Variants in TMCC3 observed in about 807,000 individuals in gnomAD.
The protein encoded by TMCC3 is transmembrane and coiled-coil domain protein 3.
Under a neutral mutation model 40.2 loss-of-function variants are expected in TMCC3, and 28 were observed. That is an observed-to-expected ratio of 0.70 (90% confidence interval 0.52 to 0.95). The LOEUF (loss-of-function observed/expected upper bound fraction) is 0.95, where lower values mean the gene tolerates loss of function less well. Ranked by LOEUF, TMCC3 falls within the 40% of genes least tolerant of loss-of-function variation. The pLI, the probability that TMCC3 is intolerant of heterozygous loss-of-function variation, is 0.00. For synonymous variants in TMCC3, 255 were observed against 248.5 expected (o/e 1.03, Z -0.25); for missense variants, 554 against 615.2 (o/e 0.90, Z 1.05).
rs869220054 is a variant in TMCC3, at chr12:94,597,124, C to CATATATATATATATAT, written c.79-14602_79-14587dup. On this transcript the variant is annotated intron_variant, in intron 1 of 3. Transcript: ENST00000261226. ...GTAAGTCACTGTCTCTATTAAAATA[C>CATATATATATATATAT]ATATATATATATATATATATATATA... Among the ~76,000 whole-genome samples, 34 of 29,804 alleles carry CATATATATATATATAT rather than the reference C, an allele frequency of 1.1e-3. 1 individual carries two copies. The highest frequency in any genetic ancestry group is 2.5e-3 in the African/African-American group (25 of 10,136). 19.6% of individuals were successfully genotyped at this position (29,804 alleles called of 152,430 possible). A position where few individuals can be genotyped will look rare whatever the true frequency, so the allele number is the denominator to read the frequency against.
In TMCC3 at chr12:94,595,419, C is replaced by A. The variant is rs115197056; in HGVS notation, c.79-12881G>T. On this transcript the variant is annotated intron_variant, in intron 1 of 3. Coordinates refer to ENST00000261226, the MANE Select transcript of TMCC3 (RefSeq NM_020698.4). ...TCCAGAGAAAGCCACATAATGGTCA[C>A]AACTTGGCTCATGTCCTTTGAAAAG... Among the ~76,000 whole-genome samples the A allele has an allele frequency of 6.4e-3, 972 of 152,280 alleles. 10 individuals carry two copies. Among genetic ancestry groups the A allele is most frequent in the African/African-American group, 0.022 (920 of 41,546 alleles).
intron 1 of TMCC3, among the ~76,000 whole-genome samples, chr12:94,633,827 T>A (rs565049845): frequency 5.3e-5 from 8 of 152,248 alleles, no homozygotes; most frequent in Non-Finnish European, 8.8e-5. Flanking sequence ...AATGAGTTAC[T>A]AACAAGTAAC....
At position 94,620,190 on chromosome 12, in the gene TMCC3, A is replaced by G. The variant is rs185702302; in HGVS notation, c.78+30163T>C. On this transcript the variant is annotated intron_variant, in intron 1 of 3. Coordinates refer to ENST00000261226, the MANE Select transcript of TMCC3 (RefSeq NM_020698.4). ...AAAAAAAAAGAAACATAACATTATTATCATTGCTATCTCTGGGGAAAAGGA... is the reference window on the plus strand; with the variant it reads ...AAAAAAAAAGAAACATAACATTATTGTCATTGCTATCTCTGGGGAAAAGGA... 3.1e-3 allele frequency among the ~76,000 whole-genome samples: 469 copies of G among 152,218 alleles called. 2 individuals carry two copies. Among genetic ancestry groups the G allele is most frequent in the African/African-American group, 0.01 (419 of 41,538 alleles).
At chr12:94,579,296 C>T (rs966047039) in intron 2 of TMCC3, among the ~76,000 whole-genome samples, 1 of 152,164 alleles carries the variant, frequency 6.6e-6, no homozygotes, top group Non-Finnish European at 1.5e-5. Flanking sequence ...CACCTGGGGT[C>T]AGGAGTTCGA....
intron 1 of TMCC3, among the ~76,000 whole-genome samples, chr12:94,649,114 TATTCCACCAA>T (rs2069037582): frequency 6.6e-6 from 1 of 152,222 alleles, no homozygotes; most frequent in Non-Finnish European, 1.5e-5. Flanking sequence ...CATGAGGTAT[TATTCCACCAA>T]ATATATTCAA....
rs150397438 is a variant in TMCC3 at position 94,588,975 on chromosome 12, A to C, written c.79-6437T>G. On this transcript the variant is annotated intron_variant, in intron 1 of 3. Coordinates refer to ENST00000261226, the MANE Select transcript of TMCC3 (RefSeq NM_020698.4). ...AGTAGCTGGAACTAAGGCACATGCC[A>C]CCACACCCAGCTAATTTTTGTATTT... Among the ~76,000 whole-genome samples the C allele has an allele frequency of 1.6e-3, 249 of 152,098 alleles. 2 individuals carry two copies. Among genetic ancestry groups the C allele is most frequent in the African/African-American group, 5.7e-3 (237 of 41,472 alleles).
intron 1 of TMCC3, among the ~76,000 whole-genome samples, chr12:94,638,784 CAG>C (rs2068974141): frequency 6.6e-6 from 1 of 152,210 alleles, no homozygotes; most frequent in African/African-American, 2.4e-5. Flanking sequence ...TTGACAAAGA[CAG>C]AGAAAAGGGA....
At chr12:94,573,378 C>T (rs1276905919) in intron 3 of TMCC3, among the ~76,000 whole-genome samples, 2 of 152,194 alleles carry the variant, frequency 1.3e-5, no homozygotes, top group African/African-American at 4.8e-5. Flanking sequence ...GTTCCCCACC[C>T]TTACGAATCC....
chr12:94,623,374 T>C lies in TMCC3; in HGVS notation c.78+26979A>G, dbSNP rs566129231. On this transcript the variant is annotated intron_variant, in intron 1 of 3. Transcript: ENST00000261226. ...TGTAACTGAGGCAATGCCACCTCTGTTTGGCAGATGAGGGACCAAGGCTCA... is the reference window on the plus strand; with the variant it reads ...TGTAACTGAGGCAATGCCACCTCTGCTTGGCAGATGAGGGACCAAGGCTCA... Among the ~76,000 whole-genome samples, 9 of 152,252 alleles carry C rather than the reference T, an allele frequency of 5.9e-5. No homozygotes were observed. The South Asian group carries it at 1.2e-3, about 21-fold the overall frequency.
In TMCC3 at chr12:94,571,573, G is replaced by A. The variant is rs754317970; in HGVS notation, c.1296C>T (p.Ile432=). ...MTVILVCVST[I]AKFVSPMMKS... ...TCATCATGGGTGAGACGAACTTCGC[G>A]ATGGTGGACACACACACTAAGATGA... The change falls in exon 4 of 4, where the codon ATC becomes ATT. Residue 432 remains isoleucine (I), a synonymous_variant. Transcript: ENST00000261226. The A allele has an allele frequency of 1.1e-5, 18 of 1,614,154 alleles. No homozygotes were observed. Among genetic ancestry groups the A allele is most frequent in the Non-Finnish European group, 1.4e-5 (16 of 1,180,036 alleles).
At chr12:94,576,798 G>A (rs2068567795) in intron 3 of TMCC3, among the ~76,000 whole-genome samples, 2 of 152,002 alleles carry the variant, frequency 1.3e-5, no homozygotes, top group Non-Finnish European at 2.9e-5. Context: ...TTTTTTAAAG[G>A]CAATCAAGGA....
chr12:94,649,307 C>T (rs149862019), intron 1 of TMCC3, among the ~76,000 whole-genome samples: 1 of 152,360 alleles, frequency 6.6e-6, no homozygotes, highest in Non-Finnish European at 1.5e-5. Flanking sequence ...ACAACCCCGT[C>T]ACTATTGCTA....
At chr12:94,614,732 A>G (rs2068838098) in intron 1 of TMCC3, among the ~76,000 whole-genome samples, 1 of 149,120 alleles carries the variant, frequency 6.7e-6, no homozygotes, top group Non-Finnish European at 1.5e-5. Flanking sequence ...GGCCTCTCTG[A>G]CTTTTTTCTT....
At chr12:94,587,887 C>T (rs2068647429) in intron 1 of TMCC3, among the ~76,000 whole-genome samples, 1 of 152,168 alleles carries the variant, frequency 6.6e-6, no homozygotes, top group Non-Finnish European at 1.5e-5. Context: ...GACTGCTAGC[C>T]TCTTTCAATT....
intron 1 of TMCC3, among the ~76,000 whole-genome samples, chr12:94,599,571 C>A (rs1405801321): frequency 5.3e-5 from 7 of 131,564 alleles, no homozygotes; most frequent in African/African-American, 1.7e-4. Context: ...CCCCCCCGCC[C>A]ACACACACAC....
chr12:94,580,813 G>A (rs1459200098), intron 2 of TMCC3, among the ~76,000 whole-genome samples: 2 of 152,162 alleles, frequency 1.3e-5, no homozygotes, highest in East Asian at 1.9e-4. Context: ...TAACTTTGTT[G>A]GGTAATGAGT....
intron 1 of TMCC3, among the ~76,000 whole-genome samples, chr12:94,640,359 T>A (rs989898811): frequency 7.9e-5 from 12 of 152,120 alleles, no homozygotes; most frequent in African/African-American, 2.9e-4. Context: ...AATTTTTGTA[T>A]CTTTTGTAGA....
At chr12:94,584,634 G>A (rs552367463) in intron 1 of TMCC3, among the ~76,000 whole-genome samples, 8 of 150,942 alleles carry the variant, frequency 5.3e-5, no homozygotes, top group Non-Finnish European at 7.4e-5. Flanking sequence ...CTAGATGGGC[G>A]GGTCAGGCCT....
At position 94,578,615 on chromosome 12, in the gene TMCC3, CT is replaced by C. The variant is rs555773723; in HGVS notation, c.996-87del. On this transcript the variant is annotated intron_variant, in intron 2 of 3. Coordinates refer to ENST00000261226, the MANE Select transcript of TMCC3 (RefSeq NM_020698.4). Reference sequence around the variant, plus strand: ...CCTTTTTATCTTCCTGCGCCAGTACCTTTTGGCTTGCTCTCATTCCCTGATG... The same window carrying C: ...CCTTTTTATCTTCCTGCGCCAGTACCTTTGGCTTGCTCTCATTCCCTGATG... 2.8e-4 allele frequency: 408 copies of C among 1,455,504 alleles called. 1 individual carries two copies. In the African/African-American group the frequency reaches 3.6e-3, roughly 13 times the overall value. 90.2% of individuals were successfully genotyped at this position (1,455,504 alleles called of 1,614,324 possible).
Sources: gnomAD v4.1 joint callset for allele counts (sites outside exome capture counted in the v4.1 genomes callset) on GRCh38, gnomAD v4.1.1 for gene constraint, MANE v1.5 for transcripts, NCBI Gene and HGNC (gene_info 2026-07-23, HGNC 2026-07-21) for gene names.